The following TTN variants were observed in gnomAD, a reference collection of about 807,000 sequenced individuals.
The protein encoded by TTN is connectin.
A neutral mutation model predicts 3,223.0 loss-of-function variants in TTN; 1,525 were observed. That is an observed-to-expected ratio of 0.47 (90% CI 0.45 to 0.49). The LOEUF is 0.49. TTN is among the 20% of genes least tolerant of loss of function. The pLI, the probability that TTN is intolerant of heterozygous loss-of-function variation, is 0.00. For missense variants in TTN, 40,786 were observed against 43,424.0 expected (o/e 0.94, Z 5.40); for synonymous variants, 14,094 against 15,161.0 (o/e 0.93, Z 5.17).
intron 145 of TTN, 62 bp from the exon 146 acceptor site, chr2:178,677,979 A>G (rs2068484905): frequency 7.7e-6 from 12 of 1,566,980 alleles, no homozygotes; most frequent in East Asian, 4.5e-5. Context: ...CACAACAATG[A>G]AGAAGCTTAT....
chr2:178,533,366 C>A lies in TTN; in HGVS notation c.103249G>T (p.Asp34417Tyr), dbSNP rs1394761197. 1.9e-6 allele frequency: 3 copies of A among 1,613,416 alleles called. No homozygotes were observed. The highest frequency in any genetic ancestry group is 2.5e-6 in the Non-Finnish European group (3 of 1,179,856). The change falls in exon 358 of 363, where the codon GAT (aspartate) becomes TAT (tyrosine). Residue 34417 changes from aspartate (D) to tyrosine (Y), a missense_variant. Transcript: ENST00000589042. ...TCCCTGATGTGCAGAGCATAATAAT[C>A]CAAGCCTTCATGGATAATTTCAATG... is the stretch of plus-strand genomic sequence containing the variant. ...PNIEIIHEGL[D>Y]YYALHIRDTL... is the part of the protein sequence containing the mutation.
chr2:178,678,104 C>T, intron 145 of TTN, 21 bp downstream of exon 145: 1 of 1,603,112 alleles, frequency 6.2e-7, no homozygotes. Flanking sequence ...TTTACCATGG[C>T]TCTGTTACAG....
At position 178,738,186 on chromosome 2, in the gene TTN, C is replaced by T; in HGVS notation, c.14267G>A (p.Ser4756Asn). 1 of 1,613,750 alleles carries T rather than the reference C, an allele frequency of 6.2e-7. No homozygotes were observed. Among genetic ancestry groups the T allele is most frequent in the South Asian group, 1.1e-5 (1 of 91,074 alleles). ...CSIRSSKYIS[S>N]LEILRTQVVD... ...CACCTGGGTTCTCAGGATTTCAAGG[C>T]TGGAGATATACTTTGAAGATCGAAT... The change falls in exon 49 of 363, where the codon AGC becomes AAC. Residue 4756 changes from serine to asparagine, a missense_variant. By Grantham distance (46) the Ser-to-Asn change is conservative (BLOSUM62 1). Transcript: ENST00000589042.
chr2:178,635,674 G>A lies in TTN; in HGVS notation c.41650C>T (p.His13884Tyr). The A allele has an allele frequency of 6.2e-7, 1 of 1,601,854 alleles. No individual in the cohort carries two copies. The change falls in exon 227 of 363, where the codon CAT (histidine) becomes TAT (tyrosine). Residue 13884 changes from histidine to tyrosine, a missense_variant. Transcript: ENST00000589042. ...ATAGCTGTCCCCTTGGGTTTCACATGCTGGTCTCGTATAGGTTTCACCAGC... is the reference window on the plus strand; with the variant it reads ...ATAGCTGTCCCCTTGGGTTTCACATACTGGTCTCGTATAGGTTTCACCAGC... ...DWLVKPIRDQ[H>Y]VKPKGTAIFA...
In TTN at chr2:178,539,700, T is replaced by G. The variant is rs769760458; in HGVS notation, c.98365A>C (p.Lys32789Gln). The G allele has an allele frequency of 1.2e-6, 2 of 1,613,746 alleles. No homozygotes were observed. The highest frequency in any genetic ancestry group is 1.7e-6 in the Non-Finnish European group (2 of 1,179,796). The part of the protein sequence containing the change: ...NKCGKKAVYI[K>Q]VRVIGSPNSP... ...TTGGGACTTCCTATCACCCTGACCT[T>G]GATGTAGACAGCCTTCTTGCCACAT... The change falls in exon 352 of 363, where the codon AAG becomes CAG. Residue 32789 changes from lysine to glutamine, a missense_variant. Physicochemically the swap from Lys to Gln is moderately conservative, Grantham distance 53. Transcript: ENST00000589042.
intron 47 of TTN, chr2:178,745,125 G>A (rs2083236718): frequency 1.0e-6 from 1 of 990,148 alleles, no homozygotes; most frequent in Admixed American, 5.8e-5. Context: ...GGATGCAAAG[G>A]GGTTAAAATT....
At chr2:178,557,607 G>C in intron 328 of TTN, 41 bp downstream of exon 328, 2 of 1,612,488 alleles carry the variant, frequency 1.2e-6, no homozygotes, top group South Asian at 1.1e-5. Flanking sequence ...CACATTTATG[G>C]TAAAAGAAAA....
In TTN at chr2:178,577,374, G is replaced by A. The variant is rs1407598197; in HGVS notation, c.68961C>T (p.Asp22987=). 1 of 1,612,798 alleles carries A rather than the reference G, an allele frequency of 6.2e-7. No individual in the cohort carries two copies. The highest frequency in any genetic ancestry group is 1.3e-5 in the African/African-American group (1 of 74,740). Reference sequence around the variant, plus strand: ...TCTGAGTGATATCTGATGGTCTAATGTCTTTTCCTGCCTTGGACCAACTTG... The same window carrying A: ...TCTGAGTGATATCTGATGGTCTAATATCTTTTCCTGCCTTGGACCAACTTG... The part of the protein sequence containing the change: ...PKSSWSKAGK[D]IRPSDITQIT... Residue 22987 remains aspartate, a synonymous_variant, in exon 324 of 363, where the codon GAC becomes GAT. Coordinates refer to ENST00000589042, the MANE Select transcript of TTN (RefSeq NM_001267550.2).
rs1350672984 is a variant in TTN at position 178,548,425 on chromosome 2, A to G, written c.93201T>C (p.Ser31067=). ...EASRRSWQVI[S]EKCTRQIFKV... is the part of the protein sequence containing the mutation. The stretch of plus-strand genomic sequence containing the variant: ...TGAAGATCTGACGAGTGCATTTTTC[A>G]CTGATAACCTGCCAACTACGGCGAC... Residue 31067 remains serine, a synonymous_variant, in exon 339 of 363, where the codon AGT becomes AGC. Transcript: ENST00000589042. This position sits in a 1 kb window ranked among gnomAD's most constrained non-coding sequence, Gnocchi z 4.3. The G allele has an allele frequency of 6.2e-7, 1 of 1,613,638 alleles. No homozygotes were observed. Among genetic ancestry groups the G allele is most frequent in the Non-Finnish European group, 8.5e-7 (1 of 1,179,792 alleles).
Position 178,604,906 on chromosome 2 carries a change from G to A in TTN, c.54191-8C>T. ...TTGGTGGGGATGGGCGGTCTGGAAA[G>A]GAATCAACAGAGAATATTGAGAAGG... On this transcript the variant is annotated splice_polypyrimidine_tract_variant and splice_region_variant and intron_variant, in intron 280 of 362. Transcript: ENST00000589042. The A allele has an allele frequency of 6.2e-7, 1 of 1,608,754 alleles. No homozygotes were observed. Among genetic ancestry groups the A allele is most frequent in the Non-Finnish European group, 8.5e-7 (1 of 1,177,284 alleles).
Position 178,538,961 on chromosome 2 carries a change from A to T in TTN, c.98974T>A (p.Cys32992Ser), listed in dbSNP as rs754280430. ...AATTCCTTACCAAATGGATCTTTGCAAACAACTGGTTCAGAAGCAGGGCTG... is the reference window on the plus strand; with the variant it reads ...AATTCCTTACCAAATGGATCTTTGCTAACAACTGGTTCAGAAGCAGGGCTG... The part of the protein sequence containing the change: ...ETSPASEPVV[C>S]KDPFDKPSQP... The change falls in exon 353 of 363, where the codon TGC becomes AGC. Residue 32992 changes from cysteine (C) to serine (S), a missense_variant. Cys to Ser is a moderately radical substitution (Grantham distance 112). Coordinates refer to ENST00000589042, the MANE Select transcript of TTN (RefSeq NM_001267550.2). 6.2e-7 allele frequency: 1 copy of T among 1,607,246 alleles called. No homozygotes were observed. Among genetic ancestry groups the T allele is most frequent in the South Asian group, 1.1e-5 (1 of 90,750 alleles).
At position 178,783,791 on chromosome 2, in the gene TTN, T is replaced by G; in HGVS notation, c.2776-6A>C. Reference sequence around the variant, plus strand: ...ACTCTTGCTGTTTCTGTTACCTAGATTTTTACAAATTATATTACAAAATGC... The same window carrying G: ...ACTCTTGCTGTTTCTGTTACCTAGAGTTTTACAAATTATATTACAAAATGC... On this transcript the variant is annotated splice_polypyrimidine_tract_variant and splice_region_variant and intron_variant, in intron 16 of 362. Coordinates refer to ENST00000589042, the MANE Select transcript of TTN (RefSeq NM_001267550.2). The G allele has an allele frequency of 6.2e-7, 1 of 1,612,030 alleles. No individual in the cohort carries two copies. Among genetic ancestry groups the G allele is most frequent in the Non-Finnish European group, 8.5e-7 (1 of 1,178,554 alleles).
Position 178,575,230 on chromosome 2 carries a change from A to G in TTN, c.70902T>C (p.Asp23634=), listed in dbSNP as rs1401774602. ...CCAGTTTCTGATAGATGCCACGGAG[A>G]TCCAGCTCTGGAAGCATTGTCTGCT... ...VKEQTMLPEL[D]LRGIYQKLVI... Residue 23634 remains aspartate (D), a synonymous_variant, in exon 326 of 363, where the codon GAT becomes GAC. Transcript: ENST00000589042. This position sits in a 1 kb window ranked among gnomAD's most constrained non-coding sequence, Gnocchi z 4.0. 6.2e-7 allele frequency: 1 copy of G among 1,613,012 alleles called. No individual in the cohort carries two copies. The highest frequency in any genetic ancestry group is 1.1e-5 in the South Asian group (1 of 91,014).
Position 178,591,876 on chromosome 2 carries a change from G to C in TTN, c.59943C>G (p.Pro19981=). The C allele has an allele frequency of 6.2e-7, 1 of 1,610,952 alleles. No homozygotes were observed. The highest frequency in any genetic ancestry group is 8.5e-7 in the Non-Finnish European group (1 of 1,179,010). ...ALDPLHPPGP[P]KDLHHVDVDK... The stretch of plus-strand genomic sequence containing the variant: ...CAACATCTACATGGTGCAGGTCCTT[G>C]GGTGGCCCTGGGGGATCTTTTCAAA... Residue 19981 remains proline, a synonymous_variant, in exon 303 of 363, where the codon CCC becomes CCG. Coordinates refer to ENST00000589042, the MANE Select transcript of TTN (RefSeq NM_001267550.2).
Position 178,753,192 on chromosome 2 carries a change from A to T in TTN, c.11255-12T>A. On this transcript the variant is annotated splice_polypyrimidine_tract_variant and intron_variant, in intron 46 of 362. Transcript: ENST00000589042. ...AATTGATTCAGGAGCTAAAATAGAA[A>T]AACATATAAAGAGATTTTAGTGATT... 1 of 1,598,746 alleles carries T rather than the reference A, an allele frequency of 6.3e-7. No homozygotes were observed. The highest frequency in any genetic ancestry group is 8.6e-7 in the Non-Finnish European group (1 of 1,168,464).
intron 301 of TTN, 35 bp downstream of exon 301, chr2:178,592,344 T>C: frequency 6.3e-7 from 1 of 1,597,574 alleles, no homozygotes; most frequent in South Asian, 1.2e-5. Flanking sequence ...ATTATCAAAA[T>C]TTATTTTTAA....
At position 178,731,711 on chromosome 2, in the gene TTN, C is replaced by T. The variant is rs541256724; in HGVS notation, c.17164G>A (p.Ala5722Thr). The T allele has an allele frequency of 6.2e-7, 1 of 1,611,736 alleles. No individual in the cohort carries two copies. Among genetic ancestry groups the T allele is most frequent in the African/African-American group, 1.3e-5 (1 of 75,024 alleles). ...CACTAACCTCTTAAAGTCACCCTGGCACTGCAGATGCTGCTGCCCACCTCA... is the reference window on the plus strand; with the variant it reads ...CACTAACCTCTTAAAGTCACCCTGGTACTGCAGATGCTGCTGCCCACCTCA... ...TNEVGSSICS[A>T]RVTLREPPSF... The change falls in exon 58 of 363, where the codon GCC (alanine) becomes ACC (threonine). Residue 5722 changes from alanine (A) to threonine (T), a missense_variant. Ala to Thr is a moderately conservative substitution (Grantham distance 58). Transcript: ENST00000589042.
intron 165 of TTN, among the ~76,000 whole-genome samples, 171 bp from the exon 166 acceptor site, chr2:178,665,097 C>G (rs2065674522): frequency 6.6e-6 from 1 of 152,054 alleles, no homozygotes; most frequent in South Asian, 2.1e-4. Context: ...AGAGGAGGTG[C>G]TCCCCCTCCT....
In TTN at chr2:178,702,686, C is replaced by A. The variant is rs1375344501; in HGVS notation, c.30224-23G>T. 3.1e-6 allele frequency: 5 copies of A among 1,600,900 alleles called. No individual in the cohort carries two copies. In the Admixed American group the frequency reaches 5.0e-5, roughly 16 times the overall value. On this transcript the variant is annotated intron_variant, in intron 106 of 362. Coordinates refer to ENST00000589042, the MANE Select transcript of TTN (RefSeq NM_001267550.2). ...CAGCTGTTTAAGTACAAAGAGGGTT[C>A]AAAGTTAGATTATATAGAGAGGAAT...
Sources: allele counts gnomAD v4.1 joint callset (sites outside exome capture counted in the v4.1 genomes callset), GRCh38; gene constraint gnomAD v4.1.1; non-coding constraint Gnocchi (gnomAD v3.1); transcripts MANE v1.5; gene names NCBI Gene and HGNC (gene_info 2026-07-23, HGNC 2026-07-21).